AQP9: variants seen among roughly 807,000 people sequenced by gnomAD.
AQP9 encodes aquaporin-9.
A neutral mutation model predicts 23.8 loss-of-function variants in AQP9; 19 were observed. The observed-to-expected ratio is 0.80, with a 90% CI of 0.56 to 1.17. AQP9 has a LOEUF of 1.17. AQP9 is among the 50% of genes most tolerant of loss of function. The pLI, the probability that AQP9 is intolerant of heterozygous loss-of-function variation, is 0.00. For missense variants in AQP9, 413 were observed against 362.0 expected (o/e 1.14, Z -1.14); for synonymous variants, 153 against 131.5 (o/e 1.16, Z -1.12).
intron 1 of AQP9, among the ~76,000 whole-genome samples, chr15:58,166,419 T>A (rs114197413): frequency 3.1e-4 from 47 of 152,370 alleles, no homozygotes; most frequent in African/African-American, 1.1e-3. Flanking sequence ...GTGTGAAATG[T>A]CCTGATTTAT....
chr15:58,155,340 A>G (rs1198648501), intron 1 of AQP9: 1 of 152,188 alleles, frequency 6.6e-6, no homozygotes, highest in African/African-American at 2.4e-5. Flanking sequence ...TAGCAATAGC[A>G]TTTATAGGTT....
At chr15:58,183,167 C>T (rs192750333) in intron 5 of AQP9, among the ~76,000 whole-genome samples, 233 of 152,220 alleles carry the variant, frequency 1.5e-3, no homozygotes, top group African/African-American at 5.5e-3. Context: ...TTGTGTTTTC[C>T]ATTCCCCTGC....
chr15:58,157,362 A>G (rs1240407050), intron 1 of AQP9, among the ~76,000 whole-genome samples: 1 of 152,210 alleles, frequency 6.6e-6, no homozygotes, highest in Non-Finnish European at 1.5e-5. Context: ...TAATGAATAC[A>G]TACCATCTGG....
intron 5 of AQP9, among the ~76,000 whole-genome samples, chr15:58,181,078 T>C (rs1191636556): frequency 6.6e-6 from 1 of 152,196 alleles, no homozygotes; most frequent in African/African-American, 2.4e-5. Context: ...TGGTGATTCA[T>C]TCAAAAGTCA....
chr15:58,156,672 G>A (rs1380868484), intron 1 of AQP9, among the ~76,000 whole-genome samples: 1 of 152,084 alleles, frequency 6.6e-6, no homozygotes, highest in African/African-American at 2.4e-5. Context: ...TCCTCTTAAT[G>A]ACTTTCACCT....
At chr15:58,172,916 C>G (rs1898653935) in intron 2 of AQP9, 152 bp from the exon 3 acceptor site, 2 of 877,728 alleles carry the variant, frequency 2.3e-6, no homozygotes, top group East Asian at 2.4e-5. Flanking sequence ...CAGATACACA[C>G]TCTCTCTTTC....
intron 1 of AQP9, chr15:58,153,021 T>G (rs1479037445): frequency 6.6e-6 from 1 of 152,194 alleles, no homozygotes; most frequent in African/African-American, 2.4e-5. Flanking sequence ...TTCCAACTTT[T>G]TATTGGATGA....
intron 1 of AQP9, among the ~76,000 whole-genome samples, chr15:58,158,437 A>G (rs149938012): frequency 6.6e-6 from 1 of 152,326 alleles, no homozygotes; most frequent in Admixed American, 6.5e-5. Context: ...CATGAGATGG[A>G]GATAATACTA....
chr15:58,182,871 A>T (rs1362924444), intron 5 of AQP9, among the ~76,000 whole-genome samples: 2 of 152,140 alleles, frequency 1.3e-5, no homozygotes. Flanking sequence ...ACGATGGGGA[A>T]TGGGGGTTTG....
intron 1 of AQP9, chr15:58,164,213 T>C (rs1310543177): frequency 6.6e-6 from 1 of 152,166 alleles, no homozygotes; most frequent in African/African-American, 2.4e-5. Flanking sequence ...CGGACCCACT[T>C]GAGCCATTTA....
At chr15:58,141,349 G>A (rs2140580872) in intron 1 of AQP9, among the ~76,000 whole-genome samples, 1 of 152,356 alleles carries the variant, frequency 6.6e-6, no homozygotes, top group South Asian at 2.1e-4. Context: ...TGGAAGGACA[G>A]CTTTCCAGGG....
chr15:58,147,565 T>A (rs1327649490), intron 1 of AQP9, among the ~76,000 whole-genome samples: 2 of 152,136 alleles, frequency 1.3e-5, no homozygotes, highest in Non-Finnish European at 2.9e-5. Context: ...TTTCTCCATC[T>A]CAGTAGCTTG....
At chr15:58,163,822 G>A (rs1369340674) in intron 1 of AQP9, 2 of 152,068 alleles carry the variant, frequency 1.3e-5, no homozygotes, top group African/African-American at 2.4e-5. Flanking sequence ...CAGAAGGAGA[G>A]AACCAGAGTG....
intron 1 of AQP9, chr15:58,151,993 G>A (rs1898160092): frequency 6.6e-6 from 1 of 152,068 alleles, no homozygotes; most frequent in African/African-American, 2.4e-5. Context: ...AATCACTATT[G>A]CATATTCCTC....
rs1898984398 is a variant in AQP9, at chr15:58,184,856, T to G, written c.*721T>G. The G allele has an allele frequency of 6.6e-6, 1 of 152,244 alleles. No homozygotes were observed. Among genetic ancestry groups the G allele is most frequent in the African/African-American group, 2.4e-5 (1 of 41,454 alleles). 9.4% of individuals were successfully genotyped at this position (152,244 alleles called of 1,614,324 possible). On this transcript the variant is annotated 3_prime_UTR_variant, in exon 6 of 6. Coordinates refer to ENST00000219919, the MANE Select transcript of AQP9 (RefSeq NM_020980.5). The stretch of plus-strand genomic sequence containing the variant: ...TAGAGGACACCAATTAATTTCCTGG[T>G]CTTTAGTATATAATAACCTAAAATA...
intron 3 of AQP9, 133 bp from the exon 4 acceptor site, chr15:58,174,785 A>C (rs1898702014): frequency 1.4e-6 from 1 of 727,952 alleles, no homozygotes; most frequent in Admixed American, 2.2e-5. Flanking sequence ...ATTCCTCGGA[A>C]GTAGAGAGAG....
At chr15:58,180,955 G>A (rs1898874222) in intron 5 of AQP9, among the ~76,000 whole-genome samples, 1 of 152,170 alleles carries the variant, frequency 6.6e-6, no homozygotes, top group South Asian at 2.1e-4. Context: ...TATGTCCTAA[G>A]GATCTCCTTA....
chr15:58,139,654 A>C (rs1167619121), intron 1 of AQP9, among the ~76,000 whole-genome samples: 2 of 152,214 alleles, frequency 1.3e-5, no homozygotes, highest in Non-Finnish European at 2.9e-5. Flanking sequence ...CAAATACATA[A>C]TAATTTAGAA....
intron 3 of AQP9, among the ~76,000 whole-genome samples, chr15:58,173,922 T>C (rs576734679): frequency 1.1e-3 from 164 of 152,252 alleles, no homozygotes; most frequent in African/African-American, 3.9e-3. Flanking sequence ...TAAGCCTTAA[T>C]ACATTATGAC....
Sources: allele counts gnomAD v4.1 joint callset (sites outside exome capture counted in the v4.1 genomes callset), GRCh38; gene constraint gnomAD v4.1.1; transcripts MANE v1.5; gene names NCBI Gene and HGNC (gene_info 2026-07-23, HGNC 2026-07-21).